MYO5B: variants seen among roughly 807,000 people sequenced by gnomAD.
MYO5B encodes myosin VB.
A neutral mutation model predicts 229.3 loss-of-function variants in MYO5B; 143 were observed. The ratio of observed to expected loss-of-function variants is 0.62; its 90% CI spans 0.54 to 0.72. The LOEUF (loss-of-function observed/expected upper bound fraction) is 0.72. Among genes scored for constraint, MYO5B ranks in the 30% least tolerant of loss-of-function variants. The probability of loss-of-function intolerance (pLI) is 0.00; values close to 1 mark genes in which losing one functional copy is unlikely to be tolerated. For synonymous variants in MYO5B, 918 were observed against 885.2 expected (o/e 1.04, Z -0.66); for missense variants, 2,321 against 2,331.0 (o/e 1.00, Z 0.09).
chr18:49,978,021 T>C (rs2025771056), intron 9 of MYO5B, among the ~76,000 whole-genome samples: 1 of 152,228 alleles, frequency 6.6e-6, no homozygotes, highest in Admixed American at 6.5e-5. Flanking sequence ...TAGCTCTCTG[T>C]ACAGCTCTGA....
At chr18:50,088,789 T>C (rs1180613706) in intron 1 of MYO5B, among the ~76,000 whole-genome samples, 1 of 152,222 alleles carries the variant, frequency 6.6e-6, no homozygotes. Flanking sequence ...TTCCAGTCAT[T>C]GTTTTGCATA....
In MYO5B at chr18:49,878,952, A is replaced by G. The variant is rs1288796194; in HGVS notation, c.3269T>C (p.Ile1090Thr). ...RYDNLRDEMT[I>T]IKQTPGHRRN... ...CAGAAGCACCCCCCTTGCCTTTATGATGGTCATTTCATCCCGAAGGTTGTC... is the reference window on the plus strand; with the variant it reads ...CAGAAGCACCCCCCTTGCCTTTATGGTGGTCATTTCATCCCGAAGGTTGTC... The change falls in exon 24 of 40, where the codon ATC (isoleucine) becomes ACC (threonine). Residue 1090 changes from isoleucine (I) to threonine (T), a missense_variant. Physicochemically the swap from Ile to Thr is moderately conservative, Grantham distance 89. Coordinates refer to ENST00000285039, the MANE Select transcript of MYO5B (RefSeq NM_001080467.3). 6 of 1,613,986 alleles carry G rather than the reference A, an allele frequency of 3.7e-6. No individual in the cohort carries two copies. Among genetic ancestry groups the G allele is most frequent in the South Asian group, 1.1e-5 (1 of 91,074 alleles).
At chr18:50,152,744 T>TA (rs1392776924) in intron 1 of MYO5B, among the ~76,000 whole-genome samples, 1 of 151,786 alleles carries the variant, frequency 6.6e-6, no homozygotes, top group Non-Finnish European at 1.5e-5. Flanking sequence ...CCAGGAAAGC[T>TA]AAAATAACCA....
chr18:50,013,168 A>T (rs933368580), intron 4 of MYO5B, among the ~76,000 whole-genome samples: 8 of 152,170 alleles, frequency 5.3e-5, no homozygotes, highest in African/African-American at 1.7e-4. Flanking sequence ...GCCAGAAAAG[A>T]CCCAATAATG....
chr18:50,186,162 A>G (rs1390885637), intron 1 of MYO5B, among the ~76,000 whole-genome samples: 3 of 152,232 alleles, frequency 2.0e-5, no homozygotes, highest in African/African-American at 4.8e-5. Context: ...CAGTGTGTAC[A>G]GTACTGCACG....
At chr18:49,988,975 T>G (rs1036353282) in intron 7 of MYO5B, among the ~76,000 whole-genome samples, 4 of 152,120 alleles carry the variant, frequency 2.6e-5, no homozygotes, top group African/African-American at 9.7e-5. Context: ...CAGCCAGAGT[T>G]TTCTCCCTGG....
At chr18:49,878,316 G>T (rs2024549167) in intron 24 of MYO5B, among the ~76,000 whole-genome samples, 1 of 151,844 alleles carries the variant, frequency 6.6e-6, no homozygotes, top group Non-Finnish European at 1.5e-5. Flanking sequence ...CATTTATACT[G>T]TTCATTTAAA....
Position 49,899,927 on chromosome 18 carries a change from AT to A in MYO5B, c.2811+2666del, listed in dbSNP as rs56854416. On this transcript the variant is annotated intron_variant, in intron 21 of 39. Coordinates refer to ENST00000285039, the MANE Select transcript of MYO5B (RefSeq NM_001080467.3). The stretch of plus-strand genomic sequence containing the variant: ...AAGCTTAAGGCAAAAAGCTTTTTTT[AT>A]TTTTTTTTTAAATAGGCCATTTAAA... Among the ~76,000 whole-genome samples, 6 of 151,084 alleles carry A rather than the reference AT, an allele frequency of 4.0e-5. No individual in the cohort carries two copies. The East Asian group carries it at 5.9e-4, about 15-fold the overall frequency.
chr18:49,934,805 C>T (rs923485149), intron 16 of MYO5B, among the ~76,000 whole-genome samples: 5 of 152,302 alleles, frequency 3.3e-5, no homozygotes, highest in African/African-American at 1.2e-4. Flanking sequence ...ACACAGAGCC[C>T]ATCTGAATGG....
chr18:49,846,094 G>C (rs535583501), intron 33 of MYO5B, among the ~76,000 whole-genome samples: 1 of 152,294 alleles, frequency 6.6e-6, no homozygotes, highest in East Asian at 1.9e-4. Context: ...GGGGTGGGAG[G>C]CTGGCAGGCC....
intron 16 of MYO5B, among the ~76,000 whole-genome samples, chr18:49,931,536 C>A (rs1163375840): frequency 6.6e-6 from 1 of 152,202 alleles, no homozygotes; most frequent in Non-Finnish European, 1.5e-5. Context: ...AGTAAAAGCC[C>A]CTTAGTGCGA....
intron 1 of MYO5B, among the ~76,000 whole-genome samples, chr18:50,117,981 T>A (rs2031993598): frequency 1.3e-5 from 2 of 152,162 alleles, no homozygotes; most frequent in Admixed American, 1.3e-4. Context: ...ACTGCCAGAT[T>A]TCACATGGAA....
intron 2 of MYO5B, 61 bp from the exon 3 acceptor site, chr18:50,040,375 A>G: frequency 1.4e-6 from 2 of 1,452,294 alleles, no homozygotes; most frequent in Non-Finnish European, 1.9e-6. Flanking sequence ...TCTGTATTCA[A>G]TGTCCTGTCT....
intron 22 of MYO5B, among the ~76,000 whole-genome samples, chr18:49,889,242 C>T (rs1195791362): frequency 6.6e-6 from 1 of 152,204 alleles, no homozygotes; most frequent in Non-Finnish European, 1.5e-5. Context: ...TGTAGGAAAA[C>T]ACTCTTCAAA....
Position 49,891,136 on chromosome 18 carries a change from C to T in MYO5B, c.3045+3805G>A, listed in dbSNP as rs79209303. On this transcript the variant is annotated intron_variant, in intron 22 of 39. Coordinates refer to ENST00000285039, the MANE Select transcript of MYO5B (RefSeq NM_001080467.3). ...TGCCTCCTCACTTACTCCACCTGAG[C>T]CCAGTGAGCACCTCATTGGTCCTCA... Among the ~76,000 whole-genome samples, 1,189 of 152,236 alleles carry T rather than the reference C, an allele frequency of 7.8e-3. 10 individuals carry two copies. The highest frequency in any genetic ancestry group is 0.027 in the African/African-American group (1,103 of 41,538).
At chr18:49,943,080 G>T (rs1487894394) in intron 14 of MYO5B, among the ~76,000 whole-genome samples, 1 of 151,928 alleles carries the variant, frequency 6.6e-6, no homozygotes, top group Non-Finnish European at 1.5e-5. Flanking sequence ...CATGGATAAA[G>T]CTGGAAACCA....
chr18:49,901,281 G>A (rs971164368), intron 21 of MYO5B, among the ~76,000 whole-genome samples: 1 of 152,212 alleles, frequency 6.6e-6, no homozygotes, highest in Non-Finnish European at 1.5e-5. Context: ...AGGAGGACTG[G>A]CCATGTGGGC....
At chr18:49,850,919 G>C (rs1018318683) in intron 31 of MYO5B, 4 of 152,606 alleles carry the variant, frequency 2.6e-5, no homozygotes, top group African/African-American at 9.6e-5. Context: ...GACTTGGCCA[G>C]CCCAGTGAAT....
intron 36 of MYO5B, among the ~76,000 whole-genome samples, chr18:49,838,039 A>G (rs2024011643): frequency 1.3e-5 from 2 of 152,218 alleles, no homozygotes; most frequent in Admixed American, 6.5e-5. Flanking sequence ...TTAGACAAAG[A>G]TGATGGGCAT....
Sources: gnomAD v4.1 joint callset for allele counts (sites outside exome capture counted in the v4.1 genomes callset) on GRCh38, gnomAD v4.1.1 for gene constraint, MANE v1.5 for transcripts, NCBI Gene and HGNC (gene_info 2026-07-23, HGNC 2026-07-21) for gene names.